Variants in PARD3 observed in about 807,000 individuals in gnomAD.
The protein encoded by PARD3 is par-3 family cell polarity regulator.
PARD3 carries 75 observed loss-of-function variants against 155.4 expected under a neutral mutation model. The ratio of observed to expected loss-of-function variants is 0.48; its 90% CI spans 0.40 to 0.58. PARD3 has a LOEUF of 0.58. Among genes scored for constraint, PARD3 ranks in the 20% least tolerant of loss-of-function variants. The probability of loss-of-function intolerance (pLI) is 0.00; values close to 1 mark genes in which losing one functional copy is unlikely to be tolerated. For synonymous variants in PARD3, 576 were observed against 610.5 expected (o/e 0.94, Z 0.83); for missense variants, 1,642 against 1,721.7 (o/e 0.95, Z 0.82).
At chr10:34,767,409 A>T (rs905524543) in intron 1 of PARD3, among the ~76,000 whole-genome samples, 1 of 152,028 alleles carries the variant, frequency 6.6e-6, no homozygotes, top group Non-Finnish European at 1.5e-5. Flanking sequence ...GGAGAAAGGA[A>T]CACAGCTCAG....
intron 5 of PARD3, among the ~76,000 whole-genome samples, chr10:34,419,765 T>C (rs1171612998): frequency 6.6e-6 from 1 of 152,198 alleles, no homozygotes; most frequent in African/African-American, 2.4e-5. Context: ...GAATTAACCA[T>C]CATTACAATT....
At chr10:34,546,539 GT>G (rs1449270932) in intron 2 of PARD3, among the ~76,000 whole-genome samples, 1 of 45,434 alleles carries the variant, frequency 2.2e-5, no homozygotes, top group Non-Finnish European at 4.1e-5. Context: ...GTGGAATTTT[GT>G]TGTTGTTTTT....
intron 3 of PARD3, among the ~76,000 whole-genome samples, chr10:34,485,918 G>GT (rs66906403): frequency 0.033 from 3,177 of 95,492 alleles, 42 homozygotes; most frequent in Middle Eastern, 0.044. Flanking sequence ...AACGTTTTGG[G>GT]TTTTTTTTTT....
intron 23 of PARD3, among the ~76,000 whole-genome samples, chr10:34,122,986 CA>C (rs1947086712): frequency 6.6e-6 from 1 of 152,214 alleles, no homozygotes; most frequent in African/African-American, 2.4e-5. Flanking sequence ...TCAACAACTG[CA>C]GCGACAAAGT....
At chr10:34,814,799 C>G (rs552256132) in intron 1 of PARD3, 77 bp downstream of exon 1, 24 of 1,254,586 alleles carry the variant, frequency 1.9e-5, no homozygotes, top group Non-Finnish European at 2.5e-5. Flanking sequence ...TCTCCTCCCC[C>G]TTCCAGGAAG....
chr10:34,306,001 A>T, intron 20 of PARD3, among the ~76,000 whole-genome samples: 1 of 151,806 alleles, frequency 6.6e-6, no homozygotes, highest in Non-Finnish European at 1.5e-5. Context: ...TATTAAAAAA[A>T]TTCAAAATTA....
At chr10:34,736,697 CAG>C (rs1040767489) in intron 1 of PARD3, among the ~76,000 whole-genome samples, 14 of 150,766 alleles carry the variant, frequency 9.3e-5, no homozygotes, top group African/African-American at 3.4e-4. Flanking sequence ...TTTACTGAGA[CAG>C]AGTCTTGCTC....
In PARD3 at chr10:34,466,932, A is replaced by G. The variant is rs562204797; in HGVS notation, c.582+3153T>C. Among the ~76,000 whole-genome samples the G allele has an allele frequency of 9.2e-5, 14 of 152,288 alleles. No homozygotes were observed. The South Asian group carries it at 2.7e-3, about 29-fold the overall frequency. ...AAAGCCAACGAAAATTCAAAATACTAATTCATTACACATTACTATTTAAGT... is the reference window on the plus strand; with the variant it reads ...AAAGCCAACGAAAATTCAAAATACTGATTCATTACACATTACTATTTAAGT... On this transcript the variant is annotated intron_variant, in intron 4 of 24. Transcript: ENST00000374788.
At chr10:34,224,202 A>G (rs1336753287) in intron 22 of PARD3, among the ~76,000 whole-genome samples, 1 of 152,244 alleles carries the variant, frequency 6.6e-6, no homozygotes, top group East Asian at 1.9e-4. Context: ...AAAGCTTTTC[A>G]TAAGACACAG....
At chr10:34,226,549 CAAAAAAAACTAGACAGACAA>C (rs1952613105) in intron 22 of PARD3, among the ~76,000 whole-genome samples, 1 of 151,802 alleles carries the variant, frequency 6.6e-6, no homozygotes, top group South Asian at 2.1e-4. Flanking sequence ...AACTTTGTCT[CAAAAAAAACTAGACAGACAA>C]TAAGTAGTAC....
At chr10:34,525,597 A>G (rs2082418110) in intron 2 of PARD3, among the ~76,000 whole-genome samples, 1 of 152,232 alleles carries the variant, frequency 6.6e-6, no homozygotes, top group Non-Finnish European at 1.5e-5. Flanking sequence ...TGAACAATTT[A>G]GCTTGACAAT....
intron 2 of PARD3, among the ~76,000 whole-genome samples, chr10:34,606,844 G>C (rs974974324): frequency 6.6e-6 from 1 of 151,304 alleles, no homozygotes; most frequent in Admixed American, 6.6e-5. Flanking sequence ...GTGCACGCCT[G>C]TAGTCCCAGC....
chr10:34,542,591 G>A (rs79401079), intron 2 of PARD3, among the ~76,000 whole-genome samples: 1,937 of 152,242 alleles, frequency 0.013, 46 homozygotes, highest in African/African-American at 0.043. Flanking sequence ...CACTCCTGTA[G>A]AACATATATG....
intron 20 of PARD3, among the ~76,000 whole-genome samples, chr10:34,304,928 T>C (rs954709368): frequency 6.6e-6 from 1 of 152,034 alleles, no homozygotes; most frequent in Non-Finnish European, 1.5e-5. Context: ...AAATCAGAAA[T>C]GGAATAAAAA....
chr10:34,610,298 T>C (rs2090785343), intron 2 of PARD3, among the ~76,000 whole-genome samples: 1 of 152,210 alleles, frequency 6.6e-6, no homozygotes, highest in Admixed American at 6.5e-5. Flanking sequence ...ATGCTCTTGA[T>C]TAGGAGGCCA....
At chr10:34,551,015 A>T (rs1426476501) in intron 2 of PARD3, among the ~76,000 whole-genome samples, 1 of 152,186 alleles carries the variant, frequency 6.6e-6, no homozygotes, top group Non-Finnish European at 1.5e-5. Context: ...ATATTCACCC[A>T]GCTCTCCTGA....
rs1245425773 is a variant in PARD3 at position 34,450,485 on chromosome 10, A to C, written c.583-37T>G. 1.3e-6 allele frequency: 2 copies of C among 1,588,096 alleles called. 1 individual carries two copies. Among genetic ancestry groups the C allele is most frequent in the South Asian group, 2.3e-5 (2 of 86,402 alleles). On this transcript the variant is annotated intron_variant, in intron 4 of 24. Transcript: ENST00000374788. Reference sequence around the variant, plus strand: ...GAAACAAAAAGGTGTCTTGTAAAAAACCAGACCTTGCAAATCAGTAATGCA... The same window carrying C: ...GAAACAAAAAGGTGTCTTGTAAAAACCCAGACCTTGCAAATCAGTAATGCA...
At chr10:34,309,861 G>A (rs573392795) in intron 20 of PARD3, among the ~76,000 whole-genome samples, 287 of 134,048 alleles carry the variant, frequency 2.1e-3, no homozygotes, top group Non-Finnish European at 3.2e-3. Flanking sequence ...TTGGCTTAAA[G>A]CATGAGATGC....
intron 22 of PARD3, among the ~76,000 whole-genome samples, chr10:34,208,156 T>G (rs1951567950): frequency 6.6e-6 from 1 of 152,362 alleles, no homozygotes; most frequent in African/African-American, 2.4e-5. Flanking sequence ...ATTTACTTTT[T>G]TTCTTACATG....
Sources: allele counts gnomAD v4.1 joint callset (sites outside exome capture counted in the v4.1 genomes callset), GRCh38; gene constraint gnomAD v4.1.1; transcripts MANE v1.5; gene names NCBI Gene and HGNC (gene_info 2026-07-23, HGNC 2026-07-21).